DRC11L: variants seen among roughly 807,000 people sequenced by gnomAD.
DRC11L encodes dynein regulatory complex subunit 11 like.
chr7:151,201,569 T>A, the DRC11L span, among the ~76,000 whole-genome samples: 1 of 152,256 alleles, frequency 6.6e-6, no homozygotes, highest in Non-Finnish European at 1.5e-5. The surrounding 1 kb of genome is among the most constrained non-coding windows in gnomAD (Gnocchi z 4.1). Flanking sequence ...CATTTGCAGA[T>A]GATATATCTT....
At chr7:151,192,231 G>C in the DRC11L span, 2 of 399,002 alleles carry the variant, frequency 5.0e-6, no homozygotes, top group Non-Finnish European at 8.8e-6. Flanking sequence ...CGGGAGGTGG[G>C]CAGGCTTTGG....
At chr7:151,202,787 G>T in the DRC11L span, 4 of 397,668 alleles carry the variant, frequency 1.0e-5, no homozygotes, top group African/African-American at 8.2e-5. Context: ...GGACACAGAG[G>T]CTGCAGTGAG....
the DRC11L span, chr7:151,200,592 C>T: frequency 2.0e-5 from 8 of 397,376 alleles, no homozygotes; most frequent in South Asian, 9.5e-4. Context: ...CTGGGCAAGC[C>T]TGCTCAGGTG....
chr7:151,205,148 G>A, the DRC11L span, among the ~76,000 whole-genome samples: 1 of 152,090 alleles, frequency 6.6e-6, no homozygotes, highest in East Asian at 1.9e-4. Flanking sequence ...GGAGTCAGGG[G>A]CAGTGGGGCC....
chr7:151,199,327 C>T, the DRC11L span, among the ~76,000 whole-genome samples: 2 of 151,964 alleles, frequency 1.3e-5, no homozygotes, highest in Non-Finnish European at 1.5e-5. This position sits in a 1 kb window ranked among gnomAD's most constrained non-coding sequence, Gnocchi z 5.2. Flanking sequence ...CCCCGCCCCG[C>T]GGCCGAGTTG....
the DRC11L span, chr7:151,191,182 C>T: frequency 2.5e-6 from 1 of 399,728 alleles, no homozygotes; most frequent in Non-Finnish European, 4.4e-6. Context: ...AGCCTCTTCT[C>T]CTCTCCTCCT....
chr7:151,191,955 C>T, the DRC11L span: 1 of 398,770 alleles, frequency 2.5e-6, no homozygotes, highest in African/African-American at 2.1e-5. Context: ...GCAGCCCCCG[C>T]CTGGATCTGG....
chr7:151,200,066 C>T, the DRC11L span, among the ~76,000 whole-genome samples: 1 of 152,304 alleles, frequency 6.6e-6, no homozygotes, highest in South Asian at 2.1e-4. Flanking sequence ...TAGCCTCCTC[C>T]CTCTGGGGTC....
the DRC11L span, chr7:151,192,670 A>G: frequency 3.0e-3 from 1,204 of 399,076 alleles, 9 homozygotes; most frequent in African/African-American, 0.022. Flanking sequence ...CGACTGGAAC[A>G]AGCCCAGGCC....
chr7:151,200,670 G>GC, the DRC11L span, among the ~76,000 whole-genome samples: 3 of 152,030 alleles, frequency 2.0e-5, no homozygotes, highest in East Asian at 1.9e-4. Flanking sequence ...TGGCCCCAGG[G>GC]CCCCCCAGGG....
the DRC11L span, among the ~76,000 whole-genome samples, chr7:151,201,099 G>C: frequency 6.6e-6 from 1 of 152,260 alleles, no homozygotes; most frequent in East Asian, 1.9e-4. This position sits in a 1 kb window ranked among gnomAD's most constrained non-coding sequence, Gnocchi z 4.1. Flanking sequence ...ATCACTGAGT[G>C]CTAGTGGGGC....
At chr7:151,192,467 G>C in the DRC11L span, 5 of 399,322 alleles carry the variant, frequency 1.3e-5, no homozygotes, top group Non-Finnish European at 1.8e-5. Flanking sequence ...CTCCAGGGGA[G>C]GAGGGAGGAG....
At chr7:151,203,078 G>C in the DRC11L span, 1 of 399,312 alleles carries the variant, frequency 2.5e-6, no homozygotes, top group East Asian at 3.6e-5. Flanking sequence ...GCCTCAGTCC[G>C]GTGCATTCCT....
At chr7:151,196,720 C>A in the DRC11L span, among the ~76,000 whole-genome samples, 2 of 152,216 alleles carry the variant, frequency 1.3e-5, no homozygotes, top group Non-Finnish European at 2.9e-5. Flanking sequence ...CACCCACCAG[C>A]CTGGCATTGC....
chr7:151,194,118 C>A, the DRC11L span: 1 of 385,374 alleles, frequency 2.6e-6, no homozygotes, highest in Non-Finnish European at 4.6e-6. Context: ...TCCAGCAGGG[C>A]CTGGGCAGGG....
the DRC11L span, chr7:151,191,033 G>A: frequency 2.5e-6 from 1 of 399,964 alleles, no homozygotes; most frequent in Non-Finnish European, 4.4e-6. Context: ...GCCTCCAACT[G>A]GTCCATCCTG....
At chr7:151,199,196 C>A in the DRC11L span, among the ~76,000 whole-genome samples, 9 of 152,272 alleles carry the variant, frequency 5.9e-5, no homozygotes, top group Middle Eastern at 6.8e-3. The surrounding 1 kb of genome is among the most constrained non-coding windows in gnomAD (Gnocchi z 5.2). Flanking sequence ...GTGTTTGGAG[C>A]CGAATTCGTC....
chr7:151,203,944 T>C, the DRC11L span, among the ~76,000 whole-genome samples: 3 of 152,212 alleles, frequency 2.0e-5, no homozygotes, highest in Non-Finnish European at 4.4e-5. Context: ...TACTGAACCC[T>C]GAGCCGGACT....
the DRC11L span, chr7:151,192,319 C>T: frequency 1.0e-5 from 4 of 399,136 alleles, no homozygotes; most frequent in Non-Finnish European, 1.8e-5. Flanking sequence ...AGAGGATCCG[C>T]TCGTAGACCC....
Sources: gnomAD v4.1 joint callset for allele counts (sites outside exome capture counted in the v4.1 genomes callset) on GRCh38, gnomAD v4.1.1 for gene constraint, Gnocchi (gnomAD v3.1) non-coding constraint, MANE v1.5 for transcripts, NCBI Gene and HGNC (gene_info 2026-07-23, HGNC 2026-07-21) for gene names.